Variants in CD38 observed in about 807,000 individuals in gnomAD.
CD38 encodes the protein ADP-ribosyl cyclase/cyclic ADP-ribose hydrolase 1.
CD38 carries 31 observed loss-of-function variants against 36.3 expected under a neutral mutation model. The observed-to-expected ratio is 0.85, with a 90% CI of 0.64 to 1.15. The LOEUF is 1.15. CD38 is among the 50% of genes most tolerant of loss of function. The pLI is 0.00. For missense variants in CD38, 380 were observed against 371.9 expected, an observed-to-expected ratio of 1.02 and a Z score of -0.18; for synonymous variants, 131 against 135.2, an observed-to-expected ratio of 0.97 and a Z score of 0.22.
chr4:15,826,459 G>GCGCACACACA (rs1553874528), intron 3 of CD38, among the ~76,000 whole-genome samples: 3 of 146,348 alleles, frequency 2.0e-5, no homozygotes, highest in Admixed American at 6.9e-5. Flanking sequence ...ACTTTTGTGC[G>GCGCACACACA]CACACACACA....
At chr4:15,829,683 AG>A (rs1178224755) in intron 3 of CD38, among the ~76,000 whole-genome samples, 1 of 152,122 alleles carries the variant, frequency 6.6e-6, no homozygotes, top group East Asian at 1.9e-4. Flanking sequence ...ATCAAATAAT[AG>A]GTCTTATTCA....
chr4:15,835,588 G>C (rs1724053329), intron 4 of CD38, among the ~76,000 whole-genome samples: 2 of 151,878 alleles, frequency 1.3e-5, no homozygotes, highest in African/African-American at 4.8e-5. Context: ...ATGTTGGCCA[G>C]GCTGGTCTCA....
At chr4:15,829,436 T>C (rs577411791) in intron 3 of CD38, among the ~76,000 whole-genome samples, 7 of 152,254 alleles carry the variant, frequency 4.6e-5, no homozygotes, top group African/African-American at 1.7e-4. Context: ...CTGGGCCACA[T>C]TGGAAGAATT....
At chr4:15,832,359 T>C (rs1041116643) in intron 3 of CD38, among the ~76,000 whole-genome samples, 4 of 152,022 alleles carry the variant, frequency 2.6e-5, no homozygotes, top group Non-Finnish European at 5.9e-5. Flanking sequence ...ATTGTATTTA[T>C]TGTAGTCTTT....
intron 3 of CD38, among the ~76,000 whole-genome samples, chr4:15,832,754 C>G (rs1488090305): frequency 1.3e-5 from 2 of 152,142 alleles, no homozygotes; most frequent in African/African-American, 4.8e-5. Flanking sequence ...GCTCAAGGCT[C>G]TGGGGCTCTA....
intron 1 of CD38, among the ~76,000 whole-genome samples, chr4:15,784,993 T>G (rs1031409753): frequency 6.6e-6 from 1 of 151,670 alleles, no homozygotes; most frequent in Non-Finnish European, 1.5e-5. Flanking sequence ...GAGGCGGAGG[T>G]TGCAATGAGC....
chr4:15,781,794 GT>G (rs1439577374), intron 1 of CD38, among the ~76,000 whole-genome samples: 1 of 152,228 alleles, frequency 6.6e-6, no homozygotes, highest in African/African-American at 2.4e-5. Flanking sequence ...ATGTTTTAAG[GT>G]TTTGTTACAC....
chr4:15,837,977 A>G, intron 4 of CD38, 115 bp from the exon 5 acceptor site: 1 of 801,400 alleles, frequency 1.2e-6, no homozygotes, highest in Non-Finnish European at 2.0e-6. Flanking sequence ...CCTGGGCTAA[A>G]ACCATATGGG....
intron 1 of CD38, among the ~76,000 whole-genome samples, chr4:15,781,432 T>C (rs1722694859): frequency 6.6e-6 from 1 of 152,184 alleles, no homozygotes; most frequent in East Asian, 1.9e-4. Flanking sequence ...AATACATTAA[T>C]AGAGAGAAAG....
intron 1 of CD38, among the ~76,000 whole-genome samples, chr4:15,785,985 G>A (rs1249694389): frequency 6.6e-6 from 1 of 152,112 alleles, no homozygotes; most frequent in Non-Finnish European, 1.5e-5. Flanking sequence ...CAGCTCTTAA[G>A]GCAGCGCGTC....
intron 3 of CD38, among the ~76,000 whole-genome samples, chr4:15,830,849 G>A (rs146256330): frequency 1.4e-4 from 21 of 152,188 alleles, no homozygotes; most frequent in African/African-American, 4.3e-4. Flanking sequence ...TGATTGTAGA[G>A]TTTAGTCCAT....
At chr4:15,782,557 C>G (rs989357194) in intron 1 of CD38, among the ~76,000 whole-genome samples, 1 of 152,082 alleles carries the variant, frequency 6.6e-6, no homozygotes, top group Non-Finnish European at 1.5e-5. Context: ...ATACAATAGT[C>G]ATTAAATATT....
intron 2 of CD38, among the ~76,000 whole-genome samples, chr4:15,819,524 C>T (rs1318283492): frequency 2.0e-5 from 3 of 152,150 alleles, no homozygotes; most frequent in Middle Eastern, 3.4e-3. Flanking sequence ...GAGCTGTTAA[C>T]CAGAATAACT....
chr4:15,780,515 CT>C (rs1722667027), intron 1 of CD38, among the ~76,000 whole-genome samples: 4 of 121,378 alleles, frequency 3.3e-5, no homozygotes, highest in Non-Finnish European at 6.7e-5. Flanking sequence ...AATATTCTCT[CT>C]CTCACACACA....
rs113983566 is a variant in CD38, at chr4:15,799,888, G to A, written c.234-16623G>A. ...AAACAGCTCAGGCACAGAGGGAGGA[G>A]GGAGAAAAGTCTCTTGGGTAACTGC... On this transcript the variant is annotated intron_variant, in intron 1 of 7. Coordinates refer to ENST00000226279, the MANE Select transcript of CD38 (RefSeq NM_001775.4). Among the ~76,000 whole-genome samples, 1,099 of 152,216 alleles carry A rather than the reference G, an allele frequency of 7.2e-3. 17 individuals carry two copies. Among genetic ancestry groups the A allele is most frequent in the African/African-American group, 0.025 (1,040 of 41,530 alleles).
intron 1 of CD38, among the ~76,000 whole-genome samples, chr4:15,800,185 C>A (rs982795507): frequency 2.0e-5 from 3 of 152,186 alleles, no homozygotes; most frequent in Non-Finnish European, 4.4e-5. Flanking sequence ...GTTGACCTAG[C>A]TCAGCCAAAA....
chr4:15,849,276 C>G lies in CD38; in HGVS notation c.*674C>G, dbSNP rs1035786464. ...TTTGCCACCGAAAGGAATGGCAAAA[C>G]CACAATTATTTTTGAACCAACCTAA... On this transcript the variant is annotated 3_prime_UTR_variant, in exon 8 of 8. Coordinates refer to ENST00000226279, the MANE Select transcript of CD38 (RefSeq NM_001775.4). 1.3e-5 allele frequency: 2 copies of G among 152,130 alleles called. No individual in the cohort carries two copies. The highest frequency in any genetic ancestry group is 4.8e-5 in the African/African-American group (2 of 41,420). 9.4% of individuals were successfully genotyped at this position (152,130 alleles called of 1,614,324 possible).
At position 15,827,171 on chromosome 4, in the gene CD38, G is replaced by T. The variant is rs1723868079; in HGVS notation, c.499+2155G>T. Among the ~76,000 whole-genome samples, 3 of 152,246 alleles carry T rather than the reference G, an allele frequency of 2.0e-5. No homozygotes were observed. The South Asian group carries it at 6.2e-4, about 32-fold the overall frequency. ...AGGCATGGAGTTAAGTAATTTGCCA[G>T]CCAGTAAGTGGCAAAGCAAGAAGCA... On this transcript the variant is annotated intron_variant, in intron 3 of 7. Coordinates refer to ENST00000226279, the MANE Select transcript of CD38 (RefSeq NM_001775.4).
chr4:15,826,747 C>T (rs1441882080), intron 3 of CD38, among the ~76,000 whole-genome samples: 1 of 146,784 alleles, frequency 6.8e-6, no homozygotes, highest in South Asian at 2.2e-4. Context: ...CTCTATTTTA[C>T]ACTAAAAAAA....
Sources: allele counts gnomAD v4.1 joint callset (sites outside exome capture counted in the v4.1 genomes callset), GRCh38; gene constraint gnomAD v4.1.1; transcripts MANE v1.5; gene names NCBI Gene and HGNC (gene_info 2026-07-23, HGNC 2026-07-21).